C1QTNF3: variants seen among roughly 807,000 people sequenced by gnomAD.
C1QTNF3 encodes the protein complement C1q tumor necrosis factor-related protein 3.
A neutral mutation model predicts 32.6 loss-of-function variants in C1QTNF3; 26 were observed. The ratio of observed to expected loss-of-function variants is 0.80; its 90% CI spans 0.58 to 1.11. C1QTNF3 has a LOEUF of 1.11. C1QTNF3 is among the 50% of genes least tolerant of loss of function. C1QTNF3 has a pLI of 0.00. For synonymous variants in C1QTNF3, 155 were observed against 146.0 expected (o/e 1.06, Z -0.44); for missense variants, 362 against 398.2 (o/e 0.91, Z 0.77).
the C1QTNF3 span, among the ~76,000 whole-genome samples, chr5:34,196,671 T>TG: frequency 4.6e-5 from 7 of 151,624 alleles, no homozygotes; most frequent in Admixed American, 4.6e-4. Context: ...TTTTTTTTTT[T>TG]TTTTTTGAGA....
At chr5:34,178,125 A>AG in the C1QTNF3 span, among the ~76,000 whole-genome samples, 4 of 150,114 alleles carry the variant, frequency 2.7e-5, no homozygotes, top group East Asian at 7.8e-4. Context: ...AAAAAAAAAA[A>AG]AAAAAATTAG....
chr5:34,080,057 A>G, the C1QTNF3 span, among the ~76,000 whole-genome samples: 1 of 151,802 alleles, frequency 6.6e-6, no homozygotes, highest in African/African-American at 2.4e-5. Context: ...ATCACGTTGT[A>G]TACATTTAAC....
rs1754406264 is a variant in C1QTNF3, at chr5:34,024,139, T to G, written c.701-131A>C. ...ATTCTTTGTAGTATGGTGTCTCTCC[T>G]TGGCCTTAATTTGCAGGAATGTCCC... On this transcript the variant is annotated intron_variant, in intron 4 of 5. Transcript: ENST00000382065. The G allele has an allele frequency of 4.4e-6, 3 of 677,310 alleles. No individual in the cohort carries two copies. The Admixed American group carries it at 6.9e-5, about 16-fold the overall frequency. The allele number at this position is 677,310 out of a possible 1,614,324, so 42.0% of individuals were successfully genotyped here. A position where few individuals can be genotyped will look rare whatever the true frequency, so the allele number is the denominator to read the frequency against.
chr5:34,125,067 A>G, the C1QTNF3 span, among the ~76,000 whole-genome samples: 2 of 152,190 alleles, frequency 1.3e-5, no homozygotes, highest in Admixed American at 6.5e-5. Flanking sequence ...CAAGCATGAC[A>G]AAACTTCTCT....
chr5:34,021,286 C>G (rs565397884), intron 5 of C1QTNF3, among the ~76,000 whole-genome samples: 1 of 152,296 alleles, frequency 6.6e-6, no homozygotes, highest in South Asian at 2.1e-4. Flanking sequence ...GCAGAAGATC[C>G]ATGTTACACT....
chr5:34,134,678 G>A, the C1QTNF3 span, among the ~76,000 whole-genome samples: 4 of 151,984 alleles, frequency 2.6e-5, no homozygotes, highest in South Asian at 2.1e-4. Context: ...TCCTCTCTTC[G>A]TAGCAATTGT....
At chr5:34,051,042 G>C in the C1QTNF3 span, among the ~76,000 whole-genome samples, 8 of 152,316 alleles carry the variant, frequency 5.3e-5, no homozygotes, top group East Asian at 1.5e-3. Context: ...TGATAAAGAA[G>C]AGAATCTGCT....
chr5:34,037,785 T>C (rs1262358267), intron 1 of C1QTNF3, among the ~76,000 whole-genome samples: 2 of 152,162 alleles, frequency 1.3e-5, no homozygotes, highest in Non-Finnish European at 2.9e-5. Flanking sequence ...ATCTGAGGGA[T>C]TTCAGGACAC....
chr5:34,147,584 T>C, the C1QTNF3 span, among the ~76,000 whole-genome samples: 4 of 152,012 alleles, frequency 2.6e-5, no homozygotes, highest in Middle Eastern at 3.2e-3. Context: ...AAATATGGCA[T>C]GTCCTCACTT....
Position 34,033,430 on chromosome 5 carries a change from TCCATTGTTG to T in C1QTNF3, c.435_443del (p.Asn146_Gly148del), listed in dbSNP as rs1754665606. 1 of 1,614,088 alleles carries T rather than the reference TCCATTGTTG, an allele frequency of 6.2e-7. No individual in the cohort carries two copies. ...CTTTGGCTCCTTCATGACCAGTGGC[TCCATTGTTG>T]CCATTGTTTCCATGGTTTCCTTAAA... On this transcript the variant is annotated inframe_deletion, in exon 3 of 6. Coordinates refer to ENST00000382065, the MANE Select transcript of C1QTNF3 (RefSeq NM_181435.6).
rs1754243265 is a variant in C1QTNF3 at position 34,018,282 on chromosome 5, T to C, written c.*2301A>G. Reference sequence around the variant, plus strand: ...ATATTTAAATATAACACTTCAAACATACCAAAGCAAGAAATTGTCTCTGGC... The same window carrying C: ...ATATTTAAATATAACACTTCAAACACACCAAAGCAAGAAATTGTCTCTGGC... On this transcript the variant is annotated 3_prime_UTR_variant, in exon 6 of 6. Transcript: ENST00000382065. Among the ~76,000 whole-genome samples the C allele has an allele frequency of 6.6e-6, 1 of 152,132 alleles. No homozygotes were observed. Among genetic ancestry groups the C allele is most frequent in the Non-Finnish European group, 1.5e-5 (1 of 68,028 alleles).
At chr5:34,230,630 C>T in the C1QTNF3 span, among the ~76,000 whole-genome samples, 2 of 152,224 alleles carry the variant, frequency 1.3e-5, no homozygotes, top group Admixed American at 1.3e-4. Flanking sequence ...TTCAGCTTTA[C>T]ATTTTTTAAA....
the C1QTNF3 span, among the ~76,000 whole-genome samples, chr5:34,055,294 C>T: frequency 6.6e-6 from 1 of 152,312 alleles, no homozygotes; most frequent in South Asian, 2.1e-4. Flanking sequence ...GCCATAGCTA[C>T]CACATGGTAG....
the C1QTNF3 span, among the ~76,000 whole-genome samples, chr5:34,070,416 C>T: frequency 2.0e-5 from 3 of 152,170 alleles, no homozygotes; most frequent in Admixed American, 2.0e-4. Context: ...ATTCTCTTAA[C>T]ATAAAACTTA....
the C1QTNF3 span, among the ~76,000 whole-genome samples, chr5:34,117,781 TTA>T: frequency 6.6e-6 from 1 of 150,490 alleles, no homozygotes; most frequent in Admixed American, 6.6e-5. Context: ...AAAATAAAAA[TTA>T]AAAAAAAAAA....
At chr5:34,074,437 T>G in the C1QTNF3 span, among the ~76,000 whole-genome samples, 1 of 151,640 alleles carries the variant, frequency 6.6e-6, no homozygotes, top group Non-Finnish European at 1.5e-5. Context: ...TTTCTCTACA[T>G]CGGCTAATAT....
chr5:34,120,734 C>T, the C1QTNF3 span, among the ~76,000 whole-genome samples: 14 of 152,302 alleles, frequency 9.2e-5, no homozygotes, highest in South Asian at 1.0e-3. Context: ...TGCCTTTCAC[C>T]TTCCACCATC....
the C1QTNF3 span, among the ~76,000 whole-genome samples, chr5:34,230,751 C>G: frequency 6.6e-6 from 1 of 152,000 alleles, no homozygotes; most frequent in Non-Finnish European, 1.5e-5. Flanking sequence ...CAGAATTGAT[C>G]CAGATTTCCA....
chr5:34,063,934 G>A, the C1QTNF3 span, among the ~76,000 whole-genome samples: 20 of 152,268 alleles, frequency 1.3e-4, 1 homozygote, highest in African/African-American at 4.8e-4. Context: ...GCGCATGCAT[G>A]GGCGACTGTT....
Sources: gnomAD v4.1 joint callset for allele counts (sites outside exome capture counted in the v4.1 genomes callset) on GRCh38, gnomAD v4.1.1 for gene constraint, MANE v1.5 for transcripts, NCBI Gene and HGNC (gene_info 2026-07-23, HGNC 2026-07-21) for gene names.